Variants in TEP1 observed in about 807,000 individuals in gnomAD.
TEP1 encodes the protein telomerase protein component 1.
A neutral mutation model predicts 306.3 loss-of-function variants in TEP1; 241 were observed. The observed-to-expected ratio is 0.79, with a 90% CI of 0.71 to 0.88. The LOEUF is 0.88. Ranked by LOEUF, TEP1 falls within the 40% of genes least tolerant of loss-of-function variation. The probability of loss-of-function intolerance (pLI) is 0.00; values close to 1 mark genes in which losing one functional copy is unlikely to be tolerated. For missense variants in TEP1, 3,051 were observed against 3,276.1 expected, an observed-to-expected ratio of 0.93 and a Z score of 1.68; for synonymous variants, 1,289 against 1,305.5, an observed-to-expected ratio of 0.99 and a Z score of 0.27.
In TEP1 at chr14:20,395,543, C is replaced by T. The variant is rs753079996; in HGVS notation, c.1835G>A (p.Cys612Tyr). 1 of 1,613,862 alleles carries T rather than the reference C, an allele frequency of 6.2e-7. No homozygotes were observed. Among genetic ancestry groups the T allele is most frequent in the Non-Finnish European group, 8.5e-7 (1 of 1,179,780 alleles). The change falls in exon 12 of 55, where the codon TGC becomes TAC. Residue 612 changes from cysteine (C) to tyrosine (Y), a missense_variant. This residue lies in a region of TEP1 where 1,507 missense variants were observed against 1,550.5 expected (regional missense o/e 0.97). Coordinates refer to ENST00000262715, the MANE Select transcript of TEP1 (RefSeq NM_007110.5). ...EKNRPRRRFL[C>Y]HLSRQQLRMA... ...CCGAAGCTGCTGACGGCTTAGGTGGCAAAGAAACCTCCGCCTGGGACGGTT... is the reference window on the plus strand; with the variant it reads ...CCGAAGCTGCTGACGGCTTAGGTGGTAAAGAAACCTCCGCCTGGGACGGTT...
Position 20,378,126 on chromosome 14 carries a change from T to C in TEP1, c.5619A>G (p.Glu1873=), listed in dbSNP as rs1885306173. ...DSMVELWAWR[E]GARLAAFPAH... is the part of the protein sequence containing the mutation. The stretch of plus-strand genomic sequence containing the variant: ...CAGGGAAGGCAGCCAGCCGTGCCCC[T>C]TCTCGCCAGGCCCACAGCTCCACCA... The change falls in exon 39 of 55, where the codon GAA becomes GAG. Residue 1873 remains glutamate, a synonymous_variant. Coordinates refer to ENST00000262715, the MANE Select transcript of TEP1 (RefSeq NM_007110.5). 6.2e-7 allele frequency: 1 copy of C among 1,613,854 alleles called. No homozygotes were observed. The highest frequency in any genetic ancestry group is 1.1e-5 in the South Asian group (1 of 91,078).
chr14:20,373,066 T>A lies in TEP1; in HGVS notation c.6896A>T (p.Asn2299Ile). ...CCACAAGATTAGTTCCCCAGCTTGA[T>A]TTCCAGATACTGCCATGGAACCATC... ...APDGSMAVSG[N>I]QAGELILWQE... is the part of the protein sequence containing the mutation. Residue 2299 changes from asparagine (N) to isoleucine (I), a missense_variant, in exon 48 of 55, where the codon AAT becomes ATT. By Grantham distance (149) the Asn-to-Ile change is moderately radical (BLOSUM62 -3). Around this residue, in one of 3 missense-constraint regions of TEP1, gnomAD observed 1,540 missense variants for 1,705.9 expected, o/e 0.90. Coordinates refer to ENST00000262715, the MANE Select transcript of TEP1 (RefSeq NM_007110.5). 1 of 1,614,196 alleles carries A rather than the reference T, an allele frequency of 6.2e-7. No homozygotes were observed. Among genetic ancestry groups the A allele is most frequent in the Non-Finnish European group, 8.5e-7 (1 of 1,180,020 alleles).
In TEP1 at chr14:20,383,580, G is replaced by C; in HGVS notation, c.3775C>G (p.Gln1259Glu). 5 of 1,614,112 alleles carry C rather than the reference G, an allele frequency of 3.1e-6. No individual in the cohort carries two copies. The highest frequency in any genetic ancestry group is 3.4e-6 in the Non-Finnish European group (4 of 1,180,010). Residue 1259 changes from glutamine to glutamate, a missense_variant, in exon 26 of 55, where the codon CAG becomes GAG. Physicochemically the swap from Gln to Glu is conservative, Grantham distance 29 (BLOSUM62 2). Transcript: ENST00000262715. The stretch of plus-strand genomic sequence containing the variant: ...CCATCGATGATCAGGACCTGGGTCT[G>C]GCCAGGATGCAGGGACTCAGCAGAC... The part of the protein sequence containing the change: ...PKSAESLHPG[Q>E]TQVLIIDGAD...
At position 20,378,812 on chromosome 14, in the gene TEP1, C is replaced by G; in HGVS notation, c.5294G>C (p.Cys1765Ser). ...CAGCCGGCAGTCTGGGCTCAGGCAG[C>G]AGCCAGTGATTTGGTACTGGTGAGC... ...TKAHQYQITG[C>S]CLSPDCRLLA... is the part of the protein sequence containing the mutation. Residue 1765 changes from cysteine to serine, a missense_variant, in exon 37 of 55, where the codon TGC becomes TCC. By Grantham distance (112) the Cys-to-Ser change is moderately radical. Transcript: ENST00000262715. 6.2e-7 allele frequency: 1 copy of G among 1,614,268 alleles called. No homozygotes were observed. Among genetic ancestry groups the G allele is most frequent in the South Asian group, 1.1e-5 (1 of 91,088 alleles).
At position 20,388,043 on chromosome 14, in the gene TEP1, G is replaced by C; in HGVS notation, c.2546C>G (p.Ala849Gly). 1 of 1,614,040 alleles carries C rather than the reference G, an allele frequency of 6.2e-7. No homozygotes were observed. The highest frequency in any genetic ancestry group is 1.1e-5 in the South Asian group (1 of 91,052). The change falls in exon 18 of 55, where the codon GCC becomes GGC. Residue 849 changes from alanine to glycine, a missense_variant. Physicochemically the swap from Ala to Gly is moderately conservative, Grantham distance 60. Transcript: ENST00000262715. ...GCCCACATGTTCCAGAAGATGGGAG[G>C]CCCCATGCTCTGCAATGAACCTGAC... ...AILKFIAEHG[A>G]SHLLEHVGQM...
intron 12 of TEP1, among the ~76,000 whole-genome samples, chr14:20,394,647 T>C (rs1426420525): frequency 6.6e-6 from 1 of 152,060 alleles, no homozygotes; most frequent in Non-Finnish European, 1.5e-5. Context: ...ACCCGGCTAA[T>C]TTTTGTATTT....
Position 20,384,468 on chromosome 14 carries a change from A to C in TEP1, c.3262T>G (p.Tyr1088Asp), listed in dbSNP as rs1248922898. The change falls in exon 23 of 55, where the codon TAT becomes GAT. Residue 1088 changes from tyrosine to aspartate, a missense_variant. Tyr to Asp is a radical substitution (Grantham distance 160). Coordinates refer to ENST00000262715, the MANE Select transcript of TEP1 (RefSeq NM_007110.5). Reference protein sequence around the residue: ...EWGGVAAGRPYVGGLEEFGQL... With the variant: ...EWGGVAAGRPDVGGLEEFGQL... The stretch of plus-strand genomic sequence containing the variant: ...CCAAACTCCTCCAGCCCGCCAACAT[A>C]GGGCCGGCCAGCTGCCACACCCCCC... The C allele has an allele frequency of 1.9e-6, 3 of 1,613,914 alleles. No individual in the cohort carries two copies. Among genetic ancestry groups the C allele is most frequent in the Non-Finnish European group, 2.5e-6 (3 of 1,180,020 alleles).
chr14:20,389,178 TA>T, intron 17 of TEP1, 59 bp downstream of exon 17: 1 of 1,458,298 alleles, frequency 6.9e-7, no homozygotes, highest in Non-Finnish European at 9.6e-7. Context: ...GGAGTAGAGA[TA>T]ATCTCCTAAA....
Position 20,368,063 on chromosome 14 carries a change from A to G in TEP1, c.*374T>C. 1 of 174,396 alleles carries G rather than the reference A, an allele frequency of 5.7e-6. No homozygotes were observed. Among genetic ancestry groups the G allele is most frequent in the East Asian group, 1.5e-4 (1 of 6,668 alleles). The allele number at this position is 174,396 out of a possible 1,614,324, so 10.8% of individuals were successfully genotyped here. ...CTCTGTTCAAATTGAATGTTGGCCA[A>G]CATCACTCTCATTCCTCCTCCTGGC... On this transcript the variant is annotated 3_prime_UTR_variant, in exon 55 of 55. Coordinates refer to ENST00000262715, the MANE Select transcript of TEP1 (RefSeq NM_007110.5).
chr14:20,411,318 G>A lies in TEP1; in HGVS notation c.-25+2087C>T, dbSNP rs142940095. ...TTTATTTAGCTTATTAATTGCCAAG[G>A]TATCTCTTGACTACGGGCCTGTGCA... On this transcript the variant is annotated intron_variant, in intron 1 of 54. Coordinates refer to ENST00000262715, the MANE Select transcript of TEP1 (RefSeq NM_007110.5). Among the ~76,000 whole-genome samples the A allele has an allele frequency of 1.4e-3, 219 of 152,138 alleles. 4 individuals carry two copies. The East Asian group carries it at 0.036, about 25-fold the overall frequency.
chr14:20,385,060 T>C lies in TEP1; in HGVS notation c.3032A>G (p.Gln1011Arg), dbSNP rs1448188466. ...GRSVTEMEVM[Q>R]FLNRNQRLQP... ...CAGACGTTGGTTCCGGTTCAGGAAC[T>C]GCATCACCTCCATCTCTGTCACAGA... The change falls in exon 21 of 55, where the codon CAG becomes CGG. Residue 1011 changes from glutamine (Q) to arginine (R), a missense_variant. Physicochemically the swap from Gln to Arg is conservative, Grantham distance 43 (BLOSUM62 1). Coordinates refer to ENST00000262715, the MANE Select transcript of TEP1 (RefSeq NM_007110.5). 6.2e-7 allele frequency: 1 copy of C among 1,614,174 alleles called. No homozygotes were observed. Among genetic ancestry groups the C allele is most frequent in the Non-Finnish European group, 8.5e-7 (1 of 1,180,018 alleles).
chr14:20,371,670 T>C (rs765312890), intron 49 of TEP1, 38 bp from the exon 50 acceptor site: 11 of 1,529,046 alleles, frequency 7.2e-6, no homozygotes, highest in Middle Eastern at 1.8e-4. Flanking sequence ...AAAGATCCTA[T>C]TTTAGTTAAC....
At chr14:20,396,892 C>T (rs80222924) in intron 9 of TEP1, among the ~76,000 whole-genome samples, 162 bp from the exon 10 acceptor site, 1 of 137,150 alleles carries the variant, frequency 7.3e-6, no homozygotes. Context: ...AAGACTGTCT[C>T]AAAAAAAAAA....
At chr14:20,397,687 C>T (rs939516177) in intron 9 of TEP1, among the ~76,000 whole-genome samples, 46 of 152,294 alleles carry the variant, frequency 3.0e-4, no homozygotes, top group Middle Eastern at 3.4e-3. Context: ...AATTTCACCA[C>T]TGACCTCTGT....
rs1876479505 is a variant in TEP1, at chr14:20,381,062, G to C, written c.4648-17C>G. 1 of 1,600,022 alleles carries C rather than the reference G, an allele frequency of 6.2e-7. No homozygotes were observed. Among genetic ancestry groups the C allele is most frequent in the Non-Finnish European group, 8.6e-7 (1 of 1,167,196 alleles). The stretch of plus-strand genomic sequence containing the variant: ...GCTCTGGAGCTGAGAAGGTCAGATT[G>C]AATTCATTAGGGATATGAAGGGGCT... On this transcript the variant is annotated splice_polypyrimidine_tract_variant and intron_variant, in intron 32 of 54. Transcript: ENST00000262715. The surrounding 1 kb of genome is among the most constrained non-coding windows in gnomAD (Gnocchi z 4.0).
intron 1 of TEP1, among the ~76,000 whole-genome samples, chr14:20,409,098 C>T (rs138866009): frequency 6.6e-6 from 1 of 152,310 alleles, no homozygotes; most frequent in Non-Finnish European, 1.5e-5. Flanking sequence ...TCTGTCCCCA[C>T]CAGTCCACAA....
intron 9 of TEP1, among the ~76,000 whole-genome samples, chr14:20,398,376 CA>C (rs202032916): frequency 0.32 from 28,807 of 88,958 alleles, 3,191 homozygotes; most frequent in African/African-American, 0.46. Flanking sequence ...AGACTCCGCC[CA>C]AAAAAAAAAA....
intron 15 of TEP1, among the ~76,000 whole-genome samples, chr14:20,390,277 G>C (rs1194772388): frequency 6.6e-6 from 1 of 152,088 alleles, no homozygotes; most frequent in East Asian, 1.9e-4. Context: ...TACTCAAAAT[G>C]TATAACTTCC....
At position 20,401,463 on chromosome 14, in the gene TEP1, C is replaced by T; in HGVS notation, c.1385G>A (p.Gly462Asp). The T allele has an allele frequency of 6.2e-7, 1 of 1,614,126 alleles. No homozygotes were observed. Among genetic ancestry groups the T allele is most frequent in the Non-Finnish European group, 8.5e-7 (1 of 1,180,006 alleles). Residue 462 changes from glycine (G) to aspartate (D), a missense_variant, in exon 8 of 55, where the codon GGT becomes GAT. Gly to Asp is a moderately conservative substitution (Grantham distance 94, BLOSUM62 -1). Coordinates refer to ENST00000262715, the MANE Select transcript of TEP1 (RefSeq NM_007110.5). ...TCAGGGTGCAGCTTCTCACCTGTAA[C>T]CCAGCAGGGCTTGAACGTGCTGGGC... ...KPAQHVQALLGYRYPSNLQLF... is the reference protein window; with the variant it reads ...KPAQHVQALLDYRYPSNLQLF...
Sources: allele counts gnomAD v4.1 joint callset (sites outside exome capture counted in the v4.1 genomes callset), GRCh38; gene constraint gnomAD v4.1.1; regional missense constraint gnomAD v4.1.1; non-coding constraint Gnocchi (gnomAD v3.1); transcripts MANE v1.5; gene names NCBI Gene and HGNC (gene_info 2026-07-23, HGNC 2026-07-21).